The following BACE2 variants were observed in gnomAD, a reference collection of about 807,000 sequenced individuals.
BACE2 encodes 56 kDa aspartic-like protease.
Under a neutral mutation model 46.2 loss-of-function variants are expected in BACE2, and 17 were observed. That is an observed-to-expected ratio of 0.37 (90% CI 0.25 to 0.55). The LOEUF (loss-of-function observed/expected upper bound fraction) is 0.55. Ranked by LOEUF, BACE2 falls within the 20% of genes least tolerant of loss-of-function variation. The probability of loss-of-function intolerance (pLI) is 0.82; values close to 1 mark genes in which losing one functional copy is unlikely to be tolerated. For missense variants in BACE2, 595 were observed against 698.1 expected, an observed-to-expected ratio of 0.85 and a Z score of 1.66; for synonymous variants, 277 against 295.9, an observed-to-expected ratio of 0.94 and a Z score of 0.66.
rs182364612 is a variant in BACE2 at position 41,218,082 on chromosome 21, A to G, written c.313-8184A>G. ...GCAGCCATAAGAAATTAATGTAAAA[A>G]GTGAGTCCCGTTTTCCAGGAAACTT... is the stretch of plus-strand genomic sequence containing the variant. On this transcript the variant is annotated intron_variant, in intron 1 of 8. Coordinates refer to ENST00000330333, the MANE Select transcript of BACE2 (RefSeq NM_012105.5). 2.0e-5 allele frequency among the ~76,000 whole-genome samples: 3 copies of G among 152,358 alleles called. No homozygotes were observed. The East Asian group carries it at 5.8e-4, about 29-fold the overall frequency.
At chr21:41,219,971 C>A (rs908717396) in intron 1 of BACE2, among the ~76,000 whole-genome samples, 1 of 152,190 alleles carries the variant, frequency 6.6e-6, no homozygotes, top group African/African-American at 2.4e-5. Context: ...GGCCCAGTCC[C>A]CCAAGACTGC....
chr21:41,204,229 C>T (rs1416419126), intron 1 of BACE2, among the ~76,000 whole-genome samples: 1 of 152,076 alleles, frequency 6.6e-6, no homozygotes, highest in Non-Finnish European at 1.5e-5. Flanking sequence ...TTAGTAGAGA[C>T]AGGGTTTCAA....
At chr21:41,238,430 T>A (rs1043781735) in intron 3 of BACE2, among the ~76,000 whole-genome samples, 22 of 152,200 alleles carry the variant, frequency 1.4e-4, no homozygotes, top group Non-Finnish European at 2.4e-4. Flanking sequence ...AATTTCCACC[T>A]GGAGGCATTG....
intron 1 of BACE2, among the ~76,000 whole-genome samples, chr21:41,203,975 C>T (rs987195707): frequency 2.6e-5 from 4 of 152,132 alleles, no homozygotes; most frequent in Non-Finnish European, 2.9e-5. Flanking sequence ...AGCCTGTGAG[C>T]TCACTCAGCT....
chr21:41,189,795 A>G (rs184948948), intron 1 of BACE2, among the ~76,000 whole-genome samples: 6 of 152,230 alleles, frequency 3.9e-5, no homozygotes, highest in African/African-American at 1.4e-4. Context: ...ATAGAGATAG[A>G]GACATAGACA....
intron 1 of BACE2, among the ~76,000 whole-genome samples, chr21:41,202,257 C>T (rs4816713): frequency 0.29 from 43,930 of 151,992 alleles, 10,455 homozygotes; most frequent in African/African-American, 0.66. Context: ...GGATATTGAC[C>T]CCAGATGAGT....
chr21:41,185,448 C>G (rs1330327944), intron 1 of BACE2, among the ~76,000 whole-genome samples: 4 of 152,210 alleles, frequency 2.6e-5, no homozygotes, highest in Non-Finnish European at 4.4e-5. Flanking sequence ...AGGTGGCTGA[C>G]TGCCAGGCCA....
At chr21:41,226,160 GAT>G (rs1986811444) in intron 1 of BACE2, 104 bp from the exon 2 acceptor site, 1 of 842,632 alleles carries the variant, frequency 1.2e-6, no homozygotes, top group East Asian at 2.5e-5. Flanking sequence ...TGTTCCAACT[GAT>G]AAATTATTCT....
intron 1 of BACE2, among the ~76,000 whole-genome samples, chr21:41,224,372 G>A (rs972335635): frequency 9.9e-5 from 15 of 152,042 alleles, no homozygotes; most frequent in African/African-American, 2.9e-4. Flanking sequence ...GTGCCACCAC[G>A]TCCGGCTAAT....
chr21:41,204,302 A>G (rs1041437357), intron 1 of BACE2, among the ~76,000 whole-genome samples: 4 of 152,176 alleles, frequency 2.6e-5, no homozygotes, highest in African/African-American at 9.7e-5. Context: ...CGGCCCCCCA[A>G]AATGCAGGGA....
chr21:41,218,676 T>C (rs1242696968), intron 1 of BACE2, among the ~76,000 whole-genome samples: 1 of 152,248 alleles, frequency 6.6e-6, no homozygotes, highest in African/African-American at 2.4e-5. Context: ...CCACCTCATC[T>C]TCCTTAATGG....
intron 1 of BACE2, among the ~76,000 whole-genome samples, chr21:41,198,777 C>T (rs1253176575): frequency 3.3e-5 from 5 of 152,062 alleles, no homozygotes; most frequent in Non-Finnish European, 7.4e-5. Flanking sequence ...CAGACTGCTT[C>T]TGGAGCTTCA....
chr21:41,183,332 C>CT (rs2123501367), intron 1 of BACE2: 1 of 167,092 alleles, frequency 6.0e-6, no homozygotes, highest in Non-Finnish European at 1.5e-5. Context: ...TTTCAGTAGT[C>CT]TTATTTGTTG....
intron 8 of BACE2, among the ~76,000 whole-genome samples, chr21:41,258,024 G>A (rs1022921278): frequency 2.0e-5 from 3 of 152,200 alleles, no homozygotes; most frequent in African/African-American, 7.2e-5. Context: ...AGCCTGCAAG[G>A]CAGAGGCAAA....
intron 2 of BACE2, among the ~76,000 whole-genome samples, chr21:41,236,279 A>G (rs1987115348): frequency 6.6e-6 from 1 of 152,132 alleles, no homozygotes; most frequent in South Asian, 2.1e-4. Context: ...CCCAGGTCTC[A>G]CTGTCTTCAT....
intron 8 of BACE2, among the ~76,000 whole-genome samples, chr21:41,262,228 C>T (rs994922579): frequency 1.3e-5 from 2 of 152,020 alleles, no homozygotes; most frequent in African/African-American, 4.8e-5. Flanking sequence ...AATGATATAC[C>T]GCATTGATTT....
At chr21:41,175,421 G>A (rs1293883120) in intron 1 of BACE2, 2 of 152,242 alleles carry the variant, frequency 1.3e-5, no homozygotes, top group African/African-American at 2.4e-5. Context: ...TTTCACGCTA[G>A]GCTGAAAGTG....
chr21:41,237,377 C>T (rs1249607126), intron 2 of BACE2, 136 bp from the exon 3 acceptor site: 6 of 493,568 alleles, frequency 1.2e-5, no homozygotes, highest in Admixed American at 1.2e-4. Flanking sequence ...ACCCGGGAGG[C>T]GGAGGTTGCA....
intron 1 of BACE2, among the ~76,000 whole-genome samples, chr21:41,211,882 T>C (rs933377107): frequency 6.6e-6 from 1 of 152,254 alleles, no homozygotes; most frequent in African/African-American, 2.4e-5. Context: ...TGTAGGGTTA[T>C]TGCCCAGTGC....
Sources: allele counts gnomAD v4.1 joint callset (sites outside exome capture counted in the v4.1 genomes callset), GRCh38; gene constraint gnomAD v4.1.1; transcripts MANE v1.5; gene names NCBI Gene and HGNC (gene_info 2026-07-23, HGNC 2026-07-21).